FGF1: variants seen among roughly 807,000 people sequenced by gnomAD.
The protein encoded by FGF1 is beta-endothelial cell growth factor.
In FGF1, 9 loss-of-function variants were observed where a neutral mutation model predicts 13.4. That is an observed-to-expected ratio of 0.67 (90% CI 0.40 to 1.17). The LOEUF (loss-of-function observed/expected upper bound fraction) is 1.17, where lower values mean the gene tolerates loss of function less well. Among genes scored for constraint, FGF1 ranks in the 50% most tolerant of loss-of-function variants. FGF1 has a pLI of 0.01. For synonymous variants in FGF1, 93 were observed against 79.0 expected (o/e 1.18, Z -0.94); for missense variants, 156 against 192.7 (o/e 0.81, Z 1.13).
intron 1 of FGF1, among the ~76,000 whole-genome samples, chr5:142,649,185 A>G (rs1766747897): frequency 6.6e-6 from 1 of 152,178 alleles, no homozygotes; most frequent in South Asian, 2.1e-4. Flanking sequence ...TAACATTTCT[A>G]TCCCCCTTCC....
At chr5:142,644,652 T>C (rs1312858366) in intron 1 of FGF1, among the ~76,000 whole-genome samples, 1 of 152,152 alleles carries the variant, frequency 6.6e-6, no homozygotes. Context: ...TTTCCAAAAC[T>C]CCCTGAGCAT....
At chr5:142,636,243 G>A (rs1312970175) in intron 1 of FGF1, among the ~76,000 whole-genome samples, 2 of 152,180 alleles carry the variant, frequency 1.3e-5, no homozygotes, top group Non-Finnish European at 2.9e-5. Context: ...GGTGCCTGGT[G>A]GAAAGGCCCA....
intron 1 of FGF1, among the ~76,000 whole-genome samples, chr5:142,636,596 G>C (rs1347458758): frequency 6.6e-6 from 1 of 152,230 alleles, no homozygotes; most frequent in Non-Finnish European, 1.5e-5. Flanking sequence ...CCCCATGCAA[G>C]CGATTTTGAA....
chr5:142,617,548 C>T (rs889746346), intron 1 of FGF1, among the ~76,000 whole-genome samples: 1 of 152,120 alleles, frequency 6.6e-6, no homozygotes, highest in Non-Finnish European at 1.5e-5. Context: ...CACAACTCTG[C>T]TCTCTGCCTG....
chr5:142,596,448 T>C (rs1755275651), intron 3 of FGF1, among the ~76,000 whole-genome samples: 1 of 150,454 alleles, frequency 6.6e-6, no homozygotes, highest in Admixed American at 6.6e-5. Flanking sequence ...CTACAATTTT[T>C]TTTTTTTTAA....
Position 142,593,476 on chromosome 5 carries a change from T to A in FGF1, c.*1814A>T, listed in dbSNP as rs1467006131. ...GAACTTTCACAAACTGTCATTTTCC[T>A]TCCATTCTAAATATGACAGTTCAGT... On this transcript the variant is annotated 3_prime_UTR_variant, in exon 4 of 4. Coordinates refer to ENST00000337706, the MANE Select transcript of FGF1 (RefSeq NM_000800.5). The A allele has an allele frequency of 6.6e-6, 1 of 152,254 alleles. No individual in the cohort carries two copies. Among genetic ancestry groups the A allele is most frequent in the Non-Finnish European group, 1.5e-5 (1 of 68,042 alleles). The allele number at this position is 152,254 out of a possible 1,614,324, so 9.4% of individuals were successfully genotyped here.
chr5:142,665,404 T>C (rs1327498677), intron 1 of FGF1, among the ~76,000 whole-genome samples: 3 of 152,004 alleles, frequency 2.0e-5, no homozygotes, highest in African/African-American at 7.2e-5. Context: ...TTTAGAGCTG[T>C]TTACCTTGGA....
intron 3 of FGF1, among the ~76,000 whole-genome samples, chr5:142,600,043 A>G (rs1300843601): frequency 6.6e-6 from 1 of 152,238 alleles, no homozygotes; most frequent in Non-Finnish European, 1.5e-5. Flanking sequence ...AAAAAGCAAT[A>G]AGAGACACAC....
chr5:142,602,182 T>C (rs931532699), intron 2 of FGF1, among the ~76,000 whole-genome samples: 1 of 151,762 alleles, frequency 6.6e-6, no homozygotes, highest in African/African-American at 2.4e-5. Flanking sequence ...TTTTCTTTTT[T>C]TTTTTTTCTT....
chr5:142,679,324 C>T (rs933004296), intron 1 of FGF1, among the ~76,000 whole-genome samples: 1 of 152,176 alleles, frequency 6.6e-6, no homozygotes, highest in Admixed American at 6.5e-5. Context: ...TCTGCCCTCA[C>T]CAGTTGAAAT....
chr5:142,631,103 A>G (rs1763304461), intron 1 of FGF1, among the ~76,000 whole-genome samples: 1 of 152,228 alleles, frequency 6.6e-6, no homozygotes, highest in South Asian at 2.1e-4. Context: ...TTCAGCTTGT[A>G]GAATCTTGAC....
chr5:142,613,932 A>AG (rs779597167), intron 2 of FGF1, 27 bp downstream of exon 2: 9 of 1,607,272 alleles, frequency 5.6e-6, no homozygotes, highest in African/African-American at 5.4e-5. Flanking sequence ...CAGAAAGGGA[A>AG]GGGGGGTGCC....
At chr5:142,649,908 C>T (rs1231554388) in intron 1 of FGF1, among the ~76,000 whole-genome samples, 1 of 152,132 alleles carries the variant, frequency 6.6e-6, no homozygotes, top group Non-Finnish European at 1.5e-5. Flanking sequence ...CAAAGTATGA[C>T]CCAAGGAACA....
intron 3 of FGF1, 66 bp downstream of exon 3, chr5:142,600,636 T>C (rs916224124): frequency 7.2e-6 from 8 of 1,115,346 alleles, no homozygotes; most frequent in Non-Finnish European, 9.7e-6. Context: ...CCTCACTCCA[T>C]GTAACAAGAT....
In FGF1 at chr5:142,678,194, T is replaced by G. The variant is rs891934929; in HGVS notation, c.-35+7763A>C. ...CCTCCTGTCTACTTTCTCACCTTCC[T>G]GAAAATCACCACTCTCCCTTACAGT... On this transcript the variant is annotated intron_variant, in intron 1 of 3. Transcript: ENST00000337706. Among the ~76,000 whole-genome samples the G allele has an allele frequency of 6.6e-5, 10 of 152,252 alleles. No individual in the cohort carries two copies. The South Asian group carries it at 1.2e-3, about 19-fold the overall frequency.
At chr5:142,640,735 A>C (rs186941404) in intron 1 of FGF1, among the ~76,000 whole-genome samples, 1 of 152,006 alleles carries the variant, frequency 6.6e-6, no homozygotes, top group Non-Finnish European at 1.5e-5. Context: ...ACCTGTCCTC[A>C]TCCCCACCAA....
chr5:142,625,681 C>T (rs1762343369), intron 1 of FGF1, among the ~76,000 whole-genome samples: 1 of 152,204 alleles, frequency 6.6e-6, no homozygotes, highest in Non-Finnish European at 1.5e-5. Flanking sequence ...CATTAAAGCC[C>T]CAGGGCTTCA....
intron 1 of FGF1, among the ~76,000 whole-genome samples, chr5:142,620,417 C>CA (rs954011821): frequency 2.9e-4 from 40 of 137,832 alleles, no homozygotes; most frequent in African/African-American, 4.0e-4. Context: ...GACTCCGTCT[C>CA]AAAAAAAAAA....
intron 3 of FGF1, among the ~76,000 whole-genome samples, chr5:142,599,131 T>C (rs1413960481): frequency 1.3e-5 from 2 of 152,056 alleles, no homozygotes; most frequent in African/African-American, 4.8e-5. Flanking sequence ...AAGCTCAGAG[T>C]GGGTAAGTGA....
Sources: allele counts gnomAD v4.1 joint callset (sites outside exome capture counted in the v4.1 genomes callset), GRCh38; gene constraint gnomAD v4.1.1; transcripts MANE v1.5; gene names NCBI Gene and HGNC (gene_info 2026-07-23, HGNC 2026-07-21).